The following IDE variants were observed in gnomAD, a reference collection of about 807,000 sequenced individuals.
IDE encodes the protein insulin degrading enzyme.
A neutral mutation model predicts 133.2 loss-of-function variants in IDE; 58 were observed. The ratio of observed to expected loss-of-function variants is 0.44; its 90% CI spans 0.35 to 0.54. The LOEUF is 0.54. Among genes scored for constraint, IDE ranks in the 20% least tolerant of loss-of-function variants. The pLI is 0.00. For synonymous variants in IDE, 396 were observed against 421.3 expected, an observed-to-expected ratio of 0.94 and a Z score of 0.73; for missense variants, 981 against 1,234.0, an observed-to-expected ratio of 0.79 and a Z score of 3.07.
chr10:92,486,777 T>C (rs902124850), intron 13 of IDE, among the ~76,000 whole-genome samples: 2 of 152,236 alleles, frequency 1.3e-5, no homozygotes, highest in African/African-American at 4.8e-5. Context: ...TGAATGTTTT[T>C]AAGGGCAGGA....
At chr10:92,461,154 A>C (rs202188822) in intron 22 of IDE, 37 bp downstream of exon 22, 3 of 1,013,658 alleles carry the variant, frequency 3.0e-6, no homozygotes, top group African/African-American at 3.1e-5. Context: ...TAATACTTTC[A>C]TATCAGTCAA....
At chr10:92,565,502 A>C (rs529482440) in intron 1 of IDE, among the ~76,000 whole-genome samples, 20 of 152,120 alleles carry the variant, frequency 1.3e-4, no homozygotes, top group African/African-American at 4.3e-4. Context: ...CTAGAACTTC[A>C]GACTATTTCA....
intron 1 of IDE, among the ~76,000 whole-genome samples, chr10:92,571,650 C>T (rs765460492): frequency 7.9e-5 from 12 of 152,190 alleles, no homozygotes; most frequent in Non-Finnish European, 1.2e-4. Flanking sequence ...AAGGAGGTTA[C>T]TCTGTAAATG....
intron 3 of IDE, among the ~76,000 whole-genome samples, chr10:92,533,676 C>T (rs1292953757): frequency 5.0e-5 from 3 of 59,740 alleles, no homozygotes; most frequent in Non-Finnish European, 1.1e-4. Context: ...ACTGATGCAA[C>T]AAAAAAATTA....
intron 15 of IDE, among the ~76,000 whole-genome samples, chr10:92,476,721 T>C (rs891434192): frequency 6.6e-6 from 1 of 152,224 alleles, no homozygotes; most frequent in Non-Finnish European, 1.5e-5. Flanking sequence ...TGGTGGCATA[T>C]ACTATATCAT....
At chr10:92,538,648 T>C (rs1248857210) in intron 1 of IDE, among the ~76,000 whole-genome samples, 1 of 152,196 alleles carries the variant, frequency 6.6e-6, no homozygotes, top group African/African-American at 2.4e-5. Context: ...GGACTATCAG[T>C]ACACAGAATC....
At chr10:92,567,670 C>G (rs1843618208) in intron 1 of IDE, among the ~76,000 whole-genome samples, 1 of 152,102 alleles carries the variant, frequency 6.6e-6, no homozygotes, top group Non-Finnish European at 1.5e-5. Context: ...AATACCATTC[C>G]TTCTATCTAA....
Position 92,510,219 on chromosome 10 carries a change from GA to G in IDE, c.785-58del, listed in dbSNP as rs1262120618. ...TAAGCGAATCATAACATCCAACAGG[GA>G]GTGCTTAAAATCTTAGGATCTCCTG... is the stretch of plus-strand genomic sequence containing the variant. On this transcript the variant is annotated intron_variant, in intron 5 of 24. Coordinates refer to ENST00000265986, the MANE Select transcript of IDE (RefSeq NM_004969.4). 7 of 876,654 alleles carry G rather than the reference GA, an allele frequency of 8.0e-6. No individual in the cohort carries two copies. In the Admixed American group the frequency reaches 1.6e-4, roughly 19 times the overall value. The allele number at this position is 876,654 out of a possible 1,614,324, so 54.3% of individuals were successfully genotyped here. A position where few individuals can be genotyped will look rare whatever the true frequency, so the allele number is the denominator to read the frequency against.
intron 1 of IDE, among the ~76,000 whole-genome samples, chr10:92,560,940 A>G (rs1339542899): frequency 6.6e-6 from 1 of 151,728 alleles, no homozygotes; most frequent in East Asian, 2.0e-4. Context: ...TCTAGACAAT[A>G]AGGCGAACTC....
chr10:92,557,184 C>A (rs185790036), intron 1 of IDE, among the ~76,000 whole-genome samples: 1 of 152,148 alleles, frequency 6.6e-6, no homozygotes, highest in African/African-American at 2.4e-5. Flanking sequence ...AAGACTCAAA[C>A]TGCCTGACTT....
chr10:92,494,526 A>G (rs1855916), intron 11 of IDE, among the ~76,000 whole-genome samples: 129,341 of 152,014 alleles, frequency 0.85, 55,251 homozygotes, highest in East Asian at 0.94. Flanking sequence ...TGGGTCACTT[A>G]AGCCCTTGAG....
chr10:92,534,745 A>T lies in IDE; in HGVS notation c.324T>A (p.His108Gln). 6.2e-7 allele frequency: 1 copy of T among 1,613,892 alleles called. No homozygotes were observed. Among genetic ancestry groups the T allele is most frequent in the Non-Finnish European group, 8.5e-7 (1 of 1,179,958 alleles). The change falls in exon 3 of 25, where the codon CAT becomes CAA. Residue 108 changes from histidine (H) to glutamine (Q), a missense_variant. Transcript: ENST00000265986. ...CCAAAAAAAGCATATGTTCACAAAA[A>T]TGACTTAAGCCAGCAATATTTGGAG... ...SDPPNIAGLS[H>Q]FCEHMLFLGT...
chr10:92,485,708 T>A (rs1368907700), intron 13 of IDE, among the ~76,000 whole-genome samples: 1 of 152,112 alleles, frequency 6.6e-6, no homozygotes, highest in Non-Finnish European at 1.5e-5. Context: ...CTTGAGAGGC[T>A]GAAGGGGGAG....
chr10:92,524,314 TATATA>T (rs199511129), intron 4 of IDE, among the ~76,000 whole-genome samples: 1,801 of 91,076 alleles, frequency 0.02, 147 homozygotes, highest in African/African-American at 0.084. Flanking sequence ...CAAAAAAATA[TATATA>T]ATATATTATT....
chr10:92,455,912 T>G (rs1401877662), intron 23 of IDE, among the ~76,000 whole-genome samples: 2 of 152,174 alleles, frequency 1.3e-5, no homozygotes, highest in African/African-American at 4.8e-5. Context: ...CTAATGTGAC[T>G]TTCTGTCCAC....
chr10:92,492,088 G>A (rs994653597), intron 11 of IDE, among the ~76,000 whole-genome samples: 1 of 151,784 alleles, frequency 6.6e-6, no homozygotes, highest in East Asian at 2.0e-4. Flanking sequence ...GTGAAATCCC[G>A]TCTCTACTAA....
At chr10:92,536,998 A>C (rs1033595484) in intron 2 of IDE, among the ~76,000 whole-genome samples, 15 of 151,754 alleles carry the variant, frequency 9.9e-5, no homozygotes, top group Middle Eastern at 3.4e-3. Flanking sequence ...AGATTGCGCC[A>C]CTGCACTCCA....
chr10:92,461,667 A>ATT (rs756072204), intron 21 of IDE, among the ~76,000 whole-genome samples: 7 of 142,170 alleles, frequency 4.9e-5, no homozygotes, highest in Non-Finnish European at 4.6e-5. Context: ...AGTATTCACA[A>ATT]TTTTTTTTTT....
chr10:92,474,998 T>C, intron 16 of IDE, 37 bp from the exon 17 acceptor site: 4 of 1,546,776 alleles, frequency 2.6e-6, no homozygotes, highest in Non-Finnish European at 3.5e-6. Context: ...ATTTTATAAA[T>C]CTTTTAAAAA....
Sources: gnomAD v4.1 joint callset for allele counts (sites outside exome capture counted in the v4.1 genomes callset) on GRCh38, gnomAD v4.1.1 for gene constraint, MANE v1.5 for transcripts, NCBI Gene and HGNC (gene_info 2026-07-23, HGNC 2026-07-21) for gene names.